The following KMT2C variants were observed in gnomAD, a reference collection of about 807,000 sequenced individuals.
KMT2C encodes the protein histone-lysine N-methyltransferase 2C.
A neutral mutation model predicts 507.9 loss-of-function variants in KMT2C; 88 were observed. The ratio of observed to expected loss-of-function variants is 0.17; its 90% confidence interval spans 0.15 to 0.21. The LOEUF is 0.21. Among genes scored for constraint, KMT2C ranks in the 10% least tolerant of loss-of-function variants. The pLI is 1.00. For synonymous variants in KMT2C, 2,049 were observed against 2,080.8 expected, an observed-to-expected ratio of 0.98 and a Z score of 0.42; for missense variants, 4,954 against 5,957.8, an observed-to-expected ratio of 0.83 and a Z score of 5.55.
At position 152,179,848 on chromosome 7, in the gene KMT2C, T is replaced by A. The variant is rs2129117920; in HGVS notation, c.7428A>T (p.Arg2476Ser). The change falls in exon 37 of 59, where the codon AGA becomes AGT. Residue 2476 changes from arginine (R) to serine (S), a missense_variant. By Grantham distance (110) the Arg-to-Ser change is moderately radical (BLOSUM62 -1). This residue lies in a region of KMT2C where 1,689 missense variants were observed against 1,654.3 expected (regional missense o/e 1.02). Transcript: ENST00000262189. ...YPPDVASMGM[R>S]PHGFRFGFPG... Reference sequence around the variant, plus strand: ...AAAAGCATTACCTAAATCCATGAGGTCTCATCCCCATACTAGCAACATCAG... The same window carrying A: ...AAAAGCATTACCTAAATCCATGAGGACTCATCCCCATACTAGCAACATCAG... The A allele has an allele frequency of 1.2e-6, 2 of 1,613,784 alleles. No individual in the cohort carries two copies. The highest frequency in any genetic ancestry group is 1.1e-5 in the South Asian group (1 of 91,064).
chr7:152,363,606 C>A (rs1169862062), intron 1 of KMT2C, among the ~76,000 whole-genome samples: 4 of 152,164 alleles, frequency 2.6e-5, no homozygotes, highest in Admixed American at 6.5e-5. Context: ...TACCATGGCA[C>A]AGGCTTTCTG....
intron 1 of KMT2C, among the ~76,000 whole-genome samples, chr7:152,389,875 A>G (rs574316613): frequency 7.5e-4 from 115 of 152,360 alleles, no homozygotes; most frequent in Admixed American, 2.7e-3. Context: ...ATAAAAAAGA[A>G]TGGAATCATG....
intron 6 of KMT2C, among the ~76,000 whole-genome samples, chr7:152,296,589 T>G (rs2129189502): frequency 6.6e-6 from 1 of 152,206 alleles, no homozygotes; most frequent in South Asian, 2.1e-4. Context: ...TTAGAGGTCC[T>G]GCCCACTATC....
chr7:152,249,989 C>A (rs2129165602), intron 12 of KMT2C, 36 bp from the exon 13 acceptor site: 1 of 1,350,326 alleles, frequency 7.4e-7, no homozygotes, highest in South Asian at 1.2e-5. Context: ...TCTAAGGAGT[C>A]AAAATTTCTG....
At chr7:152,420,164 G>C (rs2097769271) in intron 1 of KMT2C, among the ~76,000 whole-genome samples, 1 of 152,090 alleles carries the variant, frequency 6.6e-6, no homozygotes, top group African/African-American at 2.4e-5. Context: ...CATCCTCCTT[G>C]GGTGATTAAC....
chr7:152,144,768 C>T lies in KMT2C; in HGVS notation c.14288G>A (p.Arg4763Gln), dbSNP rs1373621680. ...GGATTTCCATTCAGTTTTCATCTTC[C>T]GGTACTGCGATGACTTGGAGTGAAC... ...QFVHSKSSQY[R>Q]KMKTEWKSNV... The change falls in exon 55 of 59, where the codon CGG (arginine) becomes CAG (glutamine). Residue 4763 changes from arginine (R) to glutamine (Q), a missense_variant. Transcript: ENST00000262189. The surrounding 1 kb of genome is among the most constrained non-coding windows in gnomAD (Gnocchi z 4.4). 2.5e-6 allele frequency: 4 copies of T among 1,614,104 alleles called. No individual in the cohort carries two copies. Among genetic ancestry groups the T allele is most frequent in the Non-Finnish European group, 2.5e-6 (3 of 1,180,000 alleles).
intron 1 of KMT2C, among the ~76,000 whole-genome samples, chr7:152,390,203 T>C (rs2097480306): frequency 6.6e-6 from 1 of 151,700 alleles, no homozygotes; most frequent in Non-Finnish European, 1.5e-5. Flanking sequence ...ACCCCCTGAA[T>C]CTAAAATAAA....
intron 55 of KMT2C, among the ~76,000 whole-genome samples, chr7:152,143,847 T>C (rs1317318997): frequency 3.3e-5 from 5 of 152,212 alleles, no homozygotes; most frequent in African/African-American, 1.2e-4. Flanking sequence ...AAAGGAACGC[T>C]GATCCAGTTT....
At chr7:152,280,217 T>C (rs1588861677) in intron 6 of KMT2C, among the ~76,000 whole-genome samples, 2 of 152,094 alleles carry the variant, frequency 1.3e-5, no homozygotes, top group South Asian at 4.1e-4. Context: ...CTCTAGGAAC[T>C]GAGAGTGACC....
intron 6 of KMT2C, among the ~76,000 whole-genome samples, chr7:152,305,370 A>T (rs968473477): frequency 1.3e-5 from 2 of 152,180 alleles, no homozygotes; most frequent in African/African-American, 4.8e-5. Flanking sequence ...AAAGGATATG[A>T]GGGGGCAACA....
intron 9 of KMT2C, among the ~76,000 whole-genome samples, chr7:152,261,977 C>A (rs367732303): frequency 5.3e-5 from 8 of 152,186 alleles, no homozygotes; most frequent in East Asian, 3.9e-4. Flanking sequence ...TTTTTCCCCC[C>A]AGGAGAGAAA....
intron 1 of KMT2C, among the ~76,000 whole-genome samples, chr7:152,387,346 A>T (rs977552002): frequency 6.6e-6 from 1 of 151,754 alleles, no homozygotes; most frequent in African/African-American, 2.4e-5. Context: ...TAATGAAAAA[A>T]CTTCATTTCA....
chr7:152,140,852 C>T (rs1022296927), intron 55 of KMT2C, among the ~76,000 whole-genome samples: 1 of 152,202 alleles, frequency 6.6e-6, no homozygotes, highest in Non-Finnish European at 1.5e-5. Context: ...ACTCCAGATA[C>T]AACTCACAAG....
At chr7:152,207,597 A>AT (rs971205472) in intron 23 of KMT2C, among the ~76,000 whole-genome samples, 169 bp from the exon 24 acceptor site, 1 of 152,182 alleles carries the variant, frequency 6.6e-6, no homozygotes, top group Non-Finnish European at 1.5e-5. Flanking sequence ...GGTTGTAGAA[A>AT]TTGTGCTGCT....
intron 28 of KMT2C, among the ~76,000 whole-genome samples, chr7:152,195,331 A>G (rs937603174): frequency 1.3e-5 from 2 of 152,246 alleles, no homozygotes; most frequent in African/African-American, 4.8e-5. Context: ...AACTACTGAG[A>G]AAGTCACCCG....
At chr7:152,158,025 G>C (rs1225032541) in intron 44 of KMT2C, 13 of 746,210 alleles carry the variant, frequency 1.7e-5, no homozygotes, top group Non-Finnish European at 2.4e-5. Context: ...TAAGGCTTCA[G>C]AAAAATGAGA....
intron 2 of KMT2C, among the ~76,000 whole-genome samples, chr7:152,343,783 T>C (rs2097024008): frequency 6.6e-6 from 1 of 152,058 alleles, no homozygotes; most frequent in African/African-American, 2.4e-5. Flanking sequence ...AAAGAAAACA[T>C]CAACCTAGAA....
At chr7:152,142,103 A>T (rs2090632383) in intron 55 of KMT2C, among the ~76,000 whole-genome samples, 1 of 152,244 alleles carries the variant, frequency 6.6e-6, no homozygotes, top group South Asian at 2.1e-4. Context: ...CAATGGAAGA[A>T]AGCGAAATTG....
At chr7:152,290,290 ATATATTTTTTTTTTTTT>A (rs2096402857) in intron 6 of KMT2C, among the ~76,000 whole-genome samples, 3 of 32,030 alleles carry the variant, frequency 9.4e-5, no homozygotes, top group African/African-American at 3.2e-4. Context: ...ATATATATAT[ATATATTTTTTTTTTTTT>A]TTTTTTTTTT....
Sources: gnomAD v4.1 joint callset for allele counts (sites outside exome capture counted in the v4.1 genomes callset) on GRCh38, gnomAD v4.1.1 for gene constraint, gnomAD v4.1.1 regional missense constraint, Gnocchi (gnomAD v3.1) non-coding constraint, MANE v1.5 for transcripts, NCBI Gene and HGNC (gene_info 2026-07-23, HGNC 2026-07-21) for gene names.